The following PLCB2 variants were observed in gnomAD, a reference collection of about 807,000 sequenced individuals.
The protein encoded by PLCB2 is phospholipase C beta 2, also known as 1-phosphatidylinositol 4,5-bisphosphate phosphodiesterase beta-2.
A neutral mutation model predicts 141.7 loss-of-function variants in PLCB2; 115 were observed. The ratio of observed to expected loss-of-function variants is 0.81; its 90% confidence interval spans 0.70 to 0.95. The LOEUF is 0.95. Ranked by LOEUF, PLCB2 falls within the 40% of genes least tolerant of loss-of-function variation. PLCB2 has a pLI of 0.00. For synonymous variants in PLCB2, 603 were observed against 595.6 expected, an observed-to-expected ratio of 1.01 and a Z score of -0.18; for missense variants, 1,403 against 1,541.1, an observed-to-expected ratio of 0.91 and a Z score of 1.50.
downstream of PLCB2, chr15:40,284,581 C>T (rs2033269040): frequency 2.2e-6 from 1 of 454,070 alleles, no homozygotes; most frequent in Non-Finnish European, 4.4e-6. Flanking sequence ...GTGGCTCACG[C>T]CTGTAATCCC....
intron 19 of PLCB2, 58 bp from the exon 20 acceptor site, chr15:40,293,782 G>A: frequency 2.6e-6 from 4 of 1,566,954 alleles, no homozygotes; most frequent in Non-Finnish European, 3.5e-6. Flanking sequence ...TCTTCCCCAA[G>A]CATCTGGGGC....
chr15:40,299,329 G>C (rs758485569), intron 7 of PLCB2, 101 bp from the exon 8 acceptor site: 17 of 745,230 alleles, frequency 2.3e-5, no homozygotes, highest in Admixed American at 2.2e-4. Flanking sequence ...TCAGAAGGCG[G>C]GCTCAAGGCA....
At chr15:40,304,960 CAG>C (rs2141185633) in intron 1 of PLCB2, among the ~76,000 whole-genome samples, 1 of 152,296 alleles carries the variant, frequency 6.6e-6, no homozygotes, top group East Asian at 1.9e-4. Flanking sequence ...AGACCAAATG[CAG>C]CATTTACAAG....
chr15:40,301,652 G>A (rs894485859), intron 7 of PLCB2: 3 of 702,872 alleles, frequency 4.3e-6, no homozygotes, highest in Non-Finnish European at 7.8e-6. Context: ...ACACTAGACT[G>A]GGAATGCATG....
chr15:40,307,088 G>A (rs1014885652), intron 1 of PLCB2, among the ~76,000 whole-genome samples: 2 of 152,226 alleles, frequency 1.3e-5, no homozygotes, highest in African/African-American at 4.8e-5. Context: ...TTCTCACTTA[G>A]GTCCAGGGGC....
chr15:40,307,506 A>G lies in PLCB2; in HGVS notation c.84+83T>C, dbSNP rs2141209945. ...CCTGGATCCTAGGAGACATAAACCA[A>G]TCCTCCCACCCAAGCAAAGCCCCGT... On this transcript the variant is annotated intron_variant, in intron 1 of 31. Transcript: ENST00000260402. The G allele has an allele frequency of 4.8e-6, 4 of 842,012 alleles. No homozygotes were observed. The South Asian group carries it at 7.3e-5, about 15-fold the overall frequency. 52.2% of individuals were successfully genotyped at this position (842,012 alleles called of 1,614,324 possible).
chr15:40,307,326 C>T (rs1046177596), intron 1 of PLCB2, among the ~76,000 whole-genome samples: 7 of 152,128 alleles, frequency 4.6e-5, no homozygotes, highest in African/African-American at 1.7e-4. Flanking sequence ...GAGAAGCAGA[C>T]CCAAATAAAC....
rs1403052595 is a variant in PLCB2, at chr15:40,307,698, A to T, written c.-26T>A. 1 of 1,543,216 alleles carries T rather than the reference A, an allele frequency of 6.5e-7. No homozygotes were observed. The highest frequency in any genetic ancestry group is 8.8e-7 in the Non-Finnish European group (1 of 1,140,584). On this transcript the variant is annotated 5_prime_UTR_variant, in exon 1 of 32. Transcript: ENST00000260402. ...GGTGCCAAGCGTTCCTCTTTGCAGA[A>T]TCTCAGCAGACACAGGCAGGCAGAA...
chr15:40,294,470 C>G (rs766096591), intron 18 of PLCB2, 50 bp from the exon 19 acceptor site: 1 of 1,597,324 alleles, frequency 6.3e-7, no homozygotes, highest in South Asian at 1.1e-5. Context: ...TGGGGCTGTG[C>G]CCAGTCTCCA....
rs763492276 is a variant in PLCB2 at position 40,292,430 on chromosome 15, C to T, written c.2340G>A (p.Leu780=). ...INALNSGYHH[L]CLHSESNMPL... is the part of the protein sequence containing the mutation. ...GCATGTTGCTCTCACTGTGCAGGCA[C>T]AGGTGGTGGTACCCTGTGAGACAGG... The change falls in exon 22 of 32, where the codon CTG becomes CTA. Residue 780 remains leucine, a synonymous_variant. Transcript: ENST00000260402. 1.2e-6 allele frequency: 2 copies of T among 1,613,146 alleles called. No homozygotes were observed. The highest frequency in any genetic ancestry group is 2.7e-5 in the African/African-American group (2 of 74,920).
downstream of PLCB2, chr15:40,286,180 G>T: frequency 3.1e-6 from 1 of 318,870 alleles, no homozygotes. Context: ...GGAGCTGAAG[G>T]CTGACAGGAG....
chr15:40,291,555 C>T (rs1436812504), intron 25 of PLCB2, 51 bp downstream of exon 25: 4 of 1,609,898 alleles, frequency 2.5e-6, no homozygotes, highest in African/African-American at 2.7e-5. Flanking sequence ...CAAGGAGCCC[C>T]GGACCCGCCC....
At chr15:40,285,078 T>C (rs79601550), downstream of PLCB2, among the ~76,000 whole-genome samples, 1 of 152,112 alleles carries the variant, frequency 6.6e-6, no homozygotes, top group African/African-American at 2.4e-5. Context: ...AGTGGGCTCA[T>C]GGCCCTGCAC....
Position 40,295,293 on chromosome 15 carries a change from G to T in PLCB2, c.1697-8C>A. 1.3e-6 allele frequency: 2 copies of T among 1,596,938 alleles called. No individual in the cohort carries two copies. The highest frequency in any genetic ancestry group is 1.7e-6 in the Non-Finnish European group (2 of 1,164,392). On this transcript the variant is annotated splice_polypyrimidine_tract_variant and splice_region_variant and intron_variant, in intron 16 of 31. Transcript: ENST00000260402. Reference sequence around the variant, plus strand: ...CATAACTTCGGTTCTTTTCTATATAGGGGAGAAAGGGAGGGGAGGAGTTTT... The same window carrying T: ...CATAACTTCGGTTCTTTTCTATATATGGGAGAAAGGGAGGGGAGGAGTTTT...
At position 40,296,390 on chromosome 15, in the gene PLCB2, G is replaced by A; in HGVS notation, c.1602C>T (p.Gly534=). ...AAGCCGTCACTTCCAGGCCCGCTGT[G>A]CCCTAAGGAGAAGAGGGGAGGGCAA... ...EEIKKMQSDE[G]TAGLEVTAYE... Residue 534 remains glycine, a splice_region_variant and synonymous_variant, in exon 16 of 32, where the codon GGC becomes GGT. Transcript: ENST00000260402. The A allele has an allele frequency of 1.2e-6, 2 of 1,613,808 alleles. No individual in the cohort carries two copies. Among genetic ancestry groups the A allele is most frequent in the Non-Finnish European group, 1.7e-6 (2 of 1,179,862 alleles).
chr15:40,290,253 G>T (rs572125147), intron 29 of PLCB2, among the ~76,000 whole-genome samples, 171 bp from the exon 30 acceptor site: 10 of 152,086 alleles, frequency 6.6e-5, no homozygotes, highest in Admixed American at 6.5e-4. Context: ...GAGTCCTGGG[G>T]CCCTCTGAGG....
At position 40,289,699 on chromosome 15, in the gene PLCB2, C is replaced by A. The variant is rs962375408; in HGVS notation, c.3267+326G>T. 1.4e-4 allele frequency: 70 copies of A among 513,976 alleles called. 1 individual carries two copies. The East Asian group carries it at 2.4e-3, about 18-fold the overall frequency. 31.8% of individuals were successfully genotyped at this position (513,976 alleles called of 1,614,324 possible). ...TCCTCACTCCCTCTTCATCCCCTGA[C>A]CCTCGCCAGTCCCAGCCTCCCCTGG... On this transcript the variant is annotated intron_variant, in intron 30 of 31. Transcript: ENST00000260402.
intron 22 of PLCB2, 25 bp downstream of exon 22, chr15:40,292,314 C>T (rs1346971413): frequency 1.3e-6 from 2 of 1,568,342 alleles, no homozygotes; most frequent in Non-Finnish European, 1.8e-6. Flanking sequence ...CACCCCGAGG[C>T]TCCTGGCATG....
rs200700612 is a variant in PLCB2, at chr15:40,302,541, C to T, written c.300G>A (p.Thr100=). 371 of 1,614,210 alleles carry T rather than the reference C, an allele frequency of 2.3e-4. No individual in the cohort carries two copies. In the African/African-American group the frequency reaches 3.5e-3, roughly 15 times the overall value. ...CCACCATGTCCGGGCCGGACACCACCGTGAGTGTCTTCAGCAGGAAACTGT... is the reference window on the plus strand; with the variant it reads ...CCACCATGTCCGGGCCGGACACCACTGTGAGTGTCTTCAGCAGGAAACTGT... ...PDNSFLLKTL[T]VVSGPDMVDL... is the part of the protein sequence containing the mutation. The change falls in exon 4 of 32, where the codon ACG becomes ACA. Residue 100 remains threonine, a synonymous_variant. Transcript: ENST00000260402.
Sources: allele counts gnomAD v4.1 joint callset (sites outside exome capture counted in the v4.1 genomes callset), GRCh38; gene constraint gnomAD v4.1.1; transcripts MANE v1.5; gene names NCBI Gene and HGNC (gene_info 2026-07-23, HGNC 2026-07-21).